Variants in EPHA6 observed in about 807,000 individuals in gnomAD.
EPHA6 encodes ephrin type-A receptor 6.
In EPHA6, 50 loss-of-function variants were observed where a neutral mutation model predicts 112.0. The ratio of observed to expected loss-of-function variants is 0.45; its 90% CI spans 0.36 to 0.56. The LOEUF (loss-of-function observed/expected upper bound fraction) is 0.56. Among genes scored for constraint, EPHA6 ranks in the 20% least tolerant of loss-of-function variants. The probability of loss-of-function intolerance (pLI) is 0.00; values close to 1 mark genes in which losing one functional copy is unlikely to be tolerated. For missense variants in EPHA6, 1,280 were observed against 1,417.4 expected (o/e 0.90, Z 1.56); for synonymous variants, 529 against 490.7 (o/e 1.08, Z -1.03).
At chr3:96,922,413 T>C (rs540189427) in intron 2 of EPHA6, among the ~76,000 whole-genome samples, 2 of 152,300 alleles carry the variant, frequency 1.3e-5, no homozygotes, top group East Asian at 1.9e-4. Context: ...AAATGTGGGA[T>C]GTAGACCTTG....
chr3:97,655,000 C>T (rs1287901592), intron 14 of EPHA6, among the ~76,000 whole-genome samples: 1 of 150,894 alleles, frequency 6.6e-6, no homozygotes, highest in Non-Finnish European at 1.5e-5. Flanking sequence ...ATGATGGTGC[C>T]TTAGTTTATG....
chr3:96,906,370 C>G (rs987409466), intron 2 of EPHA6, among the ~76,000 whole-genome samples: 2 of 152,032 alleles, frequency 1.3e-5, no homozygotes, highest in Non-Finnish European at 2.9e-5. Flanking sequence ...TAAGTTCAGG[C>G]TTTTGTCTTC....
chr3:97,030,165 G>A (rs1216209051), intron 3 of EPHA6, among the ~76,000 whole-genome samples: 1 of 152,044 alleles, frequency 6.6e-6, no homozygotes, highest in East Asian at 1.9e-4. Flanking sequence ...CGTATTTGCT[G>A]AGAAGGCAGA....
intron 5 of EPHA6, among the ~76,000 whole-genome samples, chr3:97,245,779 C>A (rs1483737322): frequency 6.6e-6 from 1 of 151,710 alleles, no homozygotes; most frequent in African/African-American, 2.4e-5. Flanking sequence ...AGTTGTATAT[C>A]TTGATTGTGG....
chr3:97,693,267 G>A (rs2032791390), intron 14 of EPHA6, among the ~76,000 whole-genome samples: 1 of 152,170 alleles, frequency 6.6e-6, no homozygotes, highest in African/African-American at 2.4e-5. Flanking sequence ...CACCTGAACA[G>A]GAAGAGGCAC....
intron 5 of EPHA6, among the ~76,000 whole-genome samples, chr3:97,267,546 T>C (rs978625016): frequency 6.6e-6 from 1 of 152,152 alleles, no homozygotes; most frequent in African/African-American, 2.4e-5. Context: ...AAGGAATGAA[T>C]GCATAAACGA....
At chr3:97,633,800 C>T (rs1199008994) in intron 13 of EPHA6, among the ~76,000 whole-genome samples, 2 of 151,880 alleles carry the variant, frequency 1.3e-5, no homozygotes, top group Non-Finnish European at 2.9e-5. Context: ...TTGAGGAAGA[C>T]CAGAAAAAGG....
At chr3:97,120,110 C>G (rs1261037615) in intron 3 of EPHA6, among the ~76,000 whole-genome samples, 2 of 151,940 alleles carry the variant, frequency 1.3e-5, no homozygotes, top group Non-Finnish European at 2.9e-5. Context: ...ATTTGAAGCT[C>G]AGGTTCCTTC....
At chr3:96,982,225 A>T (rs535092128) in intron 2 of EPHA6, among the ~76,000 whole-genome samples, 7 of 152,248 alleles carry the variant, frequency 4.6e-5, no homozygotes, top group African/African-American at 1.7e-4. Flanking sequence ...CACTGCTTTG[A>T]ATGTGTCCCA....
chr3:97,078,440 T>G (rs1459013083), intron 3 of EPHA6, among the ~76,000 whole-genome samples: 2 of 152,206 alleles, frequency 1.3e-5, no homozygotes, highest in African/African-American at 4.8e-5. Flanking sequence ...TGCCATTGCT[T>G]TTGGTGTTTT....
At chr3:96,935,528 C>G (rs1337638333) in intron 2 of EPHA6, among the ~76,000 whole-genome samples, 4 of 149,516 alleles carry the variant, frequency 2.7e-5, no homozygotes, top group African/African-American at 4.9e-5. Context: ...TTTAAAAGAC[C>G]ATATTATATT....
chr3:96,930,308 A>G (rs1326941878), intron 2 of EPHA6, among the ~76,000 whole-genome samples: 1 of 151,802 alleles, frequency 6.6e-6, no homozygotes, highest in Non-Finnish European at 1.5e-5. Context: ...TATATTTTTG[A>G]GTTTTACTAT....
At chr3:97,388,029 C>T (rs771407024) in intron 5 of EPHA6, among the ~76,000 whole-genome samples, 8 of 152,146 alleles carry the variant, frequency 5.3e-5, no homozygotes, top group Non-Finnish European at 1.0e-4. Flanking sequence ...TGCACAATCA[C>T]GAGAACAGCA....
intron 3 of EPHA6, among the ~76,000 whole-genome samples, chr3:97,213,646 G>T (rs78392633): frequency 6.6e-6 from 1 of 151,100 alleles, no homozygotes; most frequent in Admixed American, 6.6e-5. Flanking sequence ...GAGAACAATG[G>T]TAAACTTATC....
In EPHA6 at chr3:96,987,783, C is replaced by T. The variant is rs1218707643; in HGVS notation, c.904C>T (p.Pro302Ser). The T allele has an allele frequency of 5.6e-6, 9 of 1,613,926 alleles. No homozygotes were observed. Among genetic ancestry groups the T allele is most frequent in the Non-Finnish European group, 7.6e-6 (9 of 1,179,882 alleles). ...VSVRVFYKKCPFTVRNLAMFP... is the reference protein window; with the variant it reads ...VSVRVFYKKCSFTVRNLAMFP... ...AGTCCGTGTTTTCTACAAGAAATGC[C>T]CCTTCACTGTTCGTAACTTGGCCAT... The change falls in exon 3 of 18, where the codon CCC (proline) becomes TCC (serine). Residue 302 changes from proline to serine, a missense_variant. Around this residue, in one of 4 missense-constraint regions of EPHA6, gnomAD observed 878 missense variants for 999.7 expected, o/e 0.88. Coordinates refer to ENST00000389672, the MANE Select transcript of EPHA6 (RefSeq NM_001080448.3).
chr3:97,396,377 CAT>C (rs1463601916), intron 5 of EPHA6, among the ~76,000 whole-genome samples: 5 of 149,244 alleles, frequency 3.4e-5, no homozygotes, highest in African/African-American at 7.4e-5. Context: ...GTTTTAGAAA[CAT>C]AACTTTATAA....
At chr3:97,276,367 C>G (rs1342017000) in intron 5 of EPHA6, among the ~76,000 whole-genome samples, 1 of 151,900 alleles carries the variant, frequency 6.6e-6, no homozygotes, top group Non-Finnish European at 1.5e-5. Context: ...GGGTCCCGCA[C>G]AGATGGGATG....
chr3:97,730,765 A>G (rs1050639015), intron 15 of EPHA6, among the ~76,000 whole-genome samples: 12 of 152,144 alleles, frequency 7.9e-5, no homozygotes, highest in Non-Finnish European at 1.0e-4. Flanking sequence ...CATAAATCAC[A>G]TATCTGACAA....
intron 14 of EPHA6, among the ~76,000 whole-genome samples, chr3:97,670,239 C>A (rs965401547): frequency 3.9e-5 from 6 of 152,168 alleles, no homozygotes; most frequent in African/African-American, 1.4e-4. Context: ...ATAAATACAG[C>A]TAGATTATGG....
Sources: gnomAD v4.1 joint callset for allele counts (sites outside exome capture counted in the v4.1 genomes callset) on GRCh38, gnomAD v4.1.1 for gene constraint, gnomAD v4.1.1 regional missense constraint, MANE v1.5 for transcripts, NCBI Gene and HGNC (gene_info 2026-07-23, HGNC 2026-07-21) for gene names.